ARHGAP39: variants seen among roughly 807,000 people sequenced by gnomAD.
ARHGAP39 encodes the protein rho GTPase-activating protein 39.
ARHGAP39 carries 44 observed loss-of-function variants against 106.9 expected under a neutral mutation model. That is an observed-to-expected ratio of 0.41 (90% confidence interval 0.32 to 0.53). The LOEUF is 0.53. ARHGAP39 is among the 20% of genes least tolerant of loss of function. ARHGAP39 has a pLI of 0.21. For synonymous variants in ARHGAP39, 768 were observed against 693.2 expected, an observed-to-expected ratio of 1.11 and a Z score of -1.69; for missense variants, 1,496 against 1,577.3, an observed-to-expected ratio of 0.95 and a Z score of 0.87.
In ARHGAP39 at chr8:144,580,895, T is replaced by C; in HGVS notation, c.463A>G (p.Arg155Gly). The C allele has an allele frequency of 9.4e-6, 15 of 1,595,566 alleles. No individual in the cohort carries two copies. The highest frequency in any genetic ancestry group is 1.2e-5 in the Non-Finnish European group (14 of 1,175,056). Residue 155 changes from arginine (R) to glycine (G), a missense_variant, in exon 3 of 12, where the codon AGG (arginine) becomes GGG (glycine). Physicochemically the swap from Arg to Gly is moderately radical, Grantham distance 125. This residue lies in a region of ARHGAP39 where 905 missense variants were observed against 816.4 expected (regional missense o/e 1.11). Transcript: ENST00000377307. Reference protein sequence around the residue: ...DTEKAQELPARAGRPAAFGTV... With the variant: ...DTEKAQELPAGAGRPAAFGTV... Reference sequence around the variant, plus strand: ...CCAAACGCCGCGGGCCGCCCGGCCCTCGCTGGCAACTCCTGCGCTTTCTCA... The same window carrying C: ...CCAAACGCCGCGGGCCGCCCGGCCCCCGCTGGCAACTCCTGCGCTTTCTCA...
In ARHGAP39 at chr8:144,637,036, C is replaced by T. The variant is rs556484888; in HGVS notation, c.-81-31341G>A. ...GTTCTCAGGGTCTAGGATTTCCAGA[C>T]GCCGTGTCTTTGTGTCTTTGTACCA... On this transcript the variant is annotated intron_variant, in intron 1 of 11. Coordinates refer to ENST00000377307, the MANE Select transcript of ARHGAP39 (RefSeq NM_025251.3). Among the ~76,000 whole-genome samples the T allele has an allele frequency of 5.3e-4, 80 of 152,326 alleles. No individual in the cohort carries two copies. The South Asian group carries it at 0.016, about 31-fold the overall frequency.
At chr8:144,549,385 C>G (rs1030092350) in intron 4 of ARHGAP39, among the ~76,000 whole-genome samples, 1 of 152,274 alleles carries the variant, frequency 6.6e-6, no homozygotes, top group African/African-American at 2.4e-5. Context: ...GCACTTTGCA[C>G]ATCCGCGGCC....
chr8:144,555,387 A>C lies in ARHGAP39; in HGVS notation c.596+173T>G, dbSNP rs534634019. Among the ~76,000 whole-genome samples, 44 of 152,316 alleles carry C rather than the reference A, an allele frequency of 2.9e-4. 1 individual carries two copies. In the East Asian group the frequency reaches 3.3e-3, roughly 11 times the overall value. On this transcript the variant is annotated intron_variant, in intron 4 of 11. Coordinates refer to ENST00000377307, the MANE Select transcript of ARHGAP39 (RefSeq NM_025251.3). Reference sequence around the variant, plus strand: ...CAGGGGCTGCCAATGGGCCTGGGGCAGCTCTAAGGGGCTCCTGTCCAGGCC... The same window carrying C: ...CAGGGGCTGCCAATGGGCCTGGGGCCGCTCTAAGGGGCTCCTGTCCAGGCC...
At position 144,655,763 on chromosome 8, in the gene ARHGAP39, G is replaced by A. The variant is rs547388129; in HGVS notation, c.-82+29923C>T. Among the ~76,000 whole-genome samples, 34 of 152,126 alleles carry A rather than the reference G, an allele frequency of 2.2e-4. 1 individual carries two copies. In the South Asian group the frequency reaches 6.6e-3, roughly 30 times the overall value. ...GCAGGACAAGAACTTGGGCAAAGGCGCCACTAGCCACCGAGGTTTCTGGCC... is the reference window on the plus strand; with the variant it reads ...GCAGGACAAGAACTTGGGCAAAGGCACCACTAGCCACCGAGGTTTCTGGCC... On this transcript the variant is annotated intron_variant, in intron 1 of 11. Transcript: ENST00000377307.
rs987459876 is a variant in ARHGAP39 at position 144,581,012 on chromosome 8, G to A, written c.346C>T (p.Pro116Ser). The A allele has an allele frequency of 2.5e-6, 4 of 1,589,260 alleles. No homozygotes were observed. Among genetic ancestry groups the A allele is most frequent in the Admixed American group, 1.8e-5 (1 of 56,220 alleles). ...GGGCTGCTCTCCGCCGAGGCGCGCG[G>A]GGACTCCGTGTTCTGCTTCAGCGTC... ...LQTLKQNTESPRASAESSPGR... is the reference protein window; with the variant it reads ...LQTLKQNTESSRASAESSPGR... The change falls in exon 3 of 12, where the codon CCG (proline) becomes TCG (serine). Residue 116 changes from proline to serine, a missense_variant. Transcript: ENST00000377307.
chr8:144,532,596 G>A (rs554228688), intron 9 of ARHGAP39, among the ~76,000 whole-genome samples, 200 bp from the exon 10 acceptor site: 5 of 152,296 alleles, frequency 3.3e-5, no homozygotes, highest in African/African-American at 1.2e-4. Flanking sequence ...ACACACCTGC[G>A]TCCGAGTGTG....
intron 3 of ARHGAP39, among the ~76,000 whole-genome samples, chr8:144,563,802 A>C (rs1050137488): frequency 5.9e-5 from 9 of 152,080 alleles, no homozygotes; most frequent in African/African-American, 2.2e-4. Flanking sequence ...AAAAAATAAT[A>C]ATAAAATAAA....
intron 1 of ARHGAP39, among the ~76,000 whole-genome samples, chr8:144,677,558 T>G (rs1454347075): frequency 6.6e-6 from 1 of 152,074 alleles, no homozygotes; most frequent in Non-Finnish European, 1.5e-5. Flanking sequence ...CCACAGCACC[T>G]CCATACAGCC....
At chr8:144,653,445 C>T (rs1821622159) in intron 1 of ARHGAP39, among the ~76,000 whole-genome samples, 1 of 152,188 alleles carries the variant, frequency 6.6e-6, no homozygotes, top group Admixed American at 6.5e-5. Context: ...CTGGCGTCTA[C>T]CTGCCTGGGA....
At chr8:144,558,604 T>C (rs1818031850) in intron 3 of ARHGAP39, among the ~76,000 whole-genome samples, 1 of 151,650 alleles carries the variant, frequency 6.6e-6, no homozygotes, top group South Asian at 2.1e-4. Flanking sequence ...TAAATTCTAG[T>C]AATAATTTCA....
rs369209042 is a variant in ARHGAP39, at chr8:144,631,112, C to T, written c.-81-25417G>A. ...GCTGCCCACGTTTAAATGACCAGAT[C>T]CATCTCGCATGAGCCAGAGCCAGAG... On this transcript the variant is annotated intron_variant, in intron 1 of 11. Coordinates refer to ENST00000377307, the MANE Select transcript of ARHGAP39 (RefSeq NM_025251.3). Among the ~76,000 whole-genome samples the T allele has an allele frequency of 1.4e-3, 213 of 152,328 alleles. 4 individuals carry two copies. In the South Asian group the frequency reaches 0.043, roughly 31 times the overall value.
At chr8:144,612,105 A>C (rs114895795) in intron 1 of ARHGAP39, among the ~76,000 whole-genome samples, 2,877 of 146,780 alleles carry the variant, frequency 0.02, 86 homozygotes, top group African/African-American at 0.068. Context: ...TGCACTCCAG[A>C]CAGGGCAACA....
chr8:144,595,881 C>A (rs558213564), intron 2 of ARHGAP39, among the ~76,000 whole-genome samples: 3 of 152,214 alleles, frequency 2.0e-5, no homozygotes, highest in African/African-American at 7.2e-5. Context: ...TTCCCATCAC[C>A]CCTCCCTGAT....
intron 8 of ARHGAP39, 35 bp from the exon 9 acceptor site, chr8:144,533,360 G>A (rs1299050122): frequency 3.1e-6 from 5 of 1,594,020 alleles, no homozygotes; most frequent in African/African-American, 1.3e-5. Flanking sequence ...GGTCTGGCCT[G>A]GCCATCCTCA....
At chr8:144,688,182 C>T (rs879407986), upstream of ARHGAP39, among the ~76,000 whole-genome samples, 6 of 150,622 alleles carry the variant, frequency 4.0e-5, no homozygotes, top group African/African-American at 9.8e-5. Context: ...TGGCTCATTG[C>T]AACCTCTGCC....
intron 1 of ARHGAP39, among the ~76,000 whole-genome samples, chr8:144,661,477 A>T (rs1039042307): frequency 6.6e-6 from 1 of 151,642 alleles, no homozygotes; most frequent in Non-Finnish European, 1.5e-5. Flanking sequence ...TTAACCCAGC[A>T]CTCCCCATCC....
intron 1 of ARHGAP39, among the ~76,000 whole-genome samples, chr8:144,677,647 G>A (rs1261930630): frequency 6.6e-6 from 1 of 152,092 alleles, no homozygotes; most frequent in African/African-American, 2.4e-5. Flanking sequence ...GTTGAAAAAG[G>A]CAAGGTTCAG....
chr8:144,629,582 A>G (rs1821011580), intron 1 of ARHGAP39, among the ~76,000 whole-genome samples: 1 of 152,248 alleles, frequency 6.6e-6, no homozygotes, highest in African/African-American at 2.4e-5. Context: ...ACAAACCTGA[A>G]AGACATCAGC....
chr8:144,649,089 A>C (rs1485223242), intron 1 of ARHGAP39, among the ~76,000 whole-genome samples: 1 of 152,170 alleles, frequency 6.6e-6, no homozygotes, highest in Non-Finnish European at 1.5e-5. Flanking sequence ...AATTAATAAG[A>C]TAGATAGGCC....
Sources: allele counts gnomAD v4.1 joint callset (sites outside exome capture counted in the v4.1 genomes callset), GRCh38; gene constraint gnomAD v4.1.1; regional missense constraint gnomAD v4.1.1; transcripts MANE v1.5; gene names NCBI Gene and HGNC (gene_info 2026-07-23, HGNC 2026-07-21).